The following ZMIZ1 variants were observed in gnomAD, a reference collection of about 807,000 sequenced individuals.
ZMIZ1 encodes zinc finger MIZ domain-containing protein 1.
Under a neutral mutation model 113.9 loss-of-function variants are expected in ZMIZ1, and 17 were observed. The ratio of observed to expected loss-of-function variants is 0.15; its 90% confidence interval spans 0.10 to 0.22. The LOEUF (loss-of-function observed/expected upper bound fraction) is 0.22. ZMIZ1 is among the 10% of genes least tolerant of loss of function. The pLI, the probability that ZMIZ1 is intolerant of heterozygous loss-of-function variation, is 1.00. For missense variants in ZMIZ1, 1,059 were observed against 1,477.8 expected (o/e 0.72, Z 4.65); for synonymous variants, 607 against 603.1 (o/e 1.01, Z -0.09).
rs547566289 is a variant in ZMIZ1 at position 79,162,098 on chromosome 10, G to A, written c.-85G>A. Reference sequence around the variant, plus strand: ...GTGGAGGGGCCGCAAGCTGCTGACCGGCGTGTGGAACACTGGTGGTTTGCA... The same window carrying A: ...GTGGAGGGGCCGCAAGCTGCTGACCAGCGTGTGGAACACTGGTGGTTTGCA... On this transcript the variant is annotated 5_prime_UTR_variant, in exon 4 of 25. Coordinates refer to ENST00000334512, the MANE Select transcript of ZMIZ1 (RefSeq NM_020338.4). 5.0e-5 allele frequency: 20 copies of A among 399,462 alleles called. No individual in the cohort carries two copies. The highest frequency in any genetic ancestry group is 2.5e-4 in the South Asian group (2 of 7,876). 24.7% of individuals were successfully genotyped at this position (399,462 alleles called of 1,614,324 possible). A position where few individuals can be genotyped will look rare whatever the true frequency, so the allele number is the denominator to read the frequency against.
intron 1 of ZMIZ1, among the ~76,000 whole-genome samples, chr10:79,109,688 G>C (rs542630089): frequency 6.6e-6 from 1 of 152,338 alleles, no homozygotes; most frequent in South Asian, 2.1e-4. Context: ...GGTCGTGGGA[G>C]AAGCCCAGTC....
intron 7 of ZMIZ1, among the ~76,000 whole-genome samples, chr10:79,244,965 C>T (rs982049119): frequency 6.6e-6 from 1 of 152,188 alleles, no homozygotes; most frequent in African/African-American, 2.4e-5. Flanking sequence ...CCACGTGGCT[C>T]CTAACAAGCC....
chr10:79,120,195 C>T (rs1469064895), intron 2 of ZMIZ1, among the ~76,000 whole-genome samples: 1 of 152,158 alleles, frequency 6.6e-6, no homozygotes, highest in Non-Finnish European at 1.5e-5. Context: ...TGCAAATGTG[C>T]GCTTCCTCAC....
intron 7 of ZMIZ1, among the ~76,000 whole-genome samples, chr10:79,247,210 T>C (rs1051158048): frequency 1.3e-5 from 2 of 152,130 alleles, no homozygotes; most frequent in African/African-American, 4.8e-5. Context: ...TCAGGGCAGC[T>C]TGAGGGATGC....
intron 7 of ZMIZ1, among the ~76,000 whole-genome samples, chr10:79,227,344 C>T (rs1457857750): frequency 6.6e-6 from 1 of 152,216 alleles, no homozygotes; most frequent in Admixed American, 6.5e-5. Flanking sequence ...AGCAGAGAGC[C>T]TGGGTCAGCC....
chr10:79,191,880 C>A (rs1245677976), intron 4 of ZMIZ1, among the ~76,000 whole-genome samples: 1 of 152,162 alleles, frequency 6.6e-6, no homozygotes, highest in South Asian at 2.1e-4. Context: ...AATAATTGGA[C>A]CAGCATATAG....
At position 79,298,418 on chromosome 10, in the gene ZMIZ1, G is replaced by T. The variant is rs779727523; in HGVS notation, c.1504G>T (p.Val502Phe). Residue 502 changes from valine to phenylalanine, a missense_variant, in exon 15 of 25, where the codon GTT becomes TTT. Physicochemically the swap from Val to Phe is conservative, Grantham distance 50. This residue lies in a region of ZMIZ1 where 239 missense variants were observed against 247.5 expected (regional missense o/e 0.97). Coordinates refer to ENST00000334512, the MANE Select transcript of ZMIZ1 (RefSeq NM_020338.4). Reference sequence around the variant, plus strand: ...TCTTTCCCTCCAGCCTCCCAGGCCGGTTCCTGTGGCAAATTACCCCCACTC... The same window carrying T: ...TCTTTCCCTCCAGCCTCCCAGGCCGTTTCCTGTGGCAAATTACCCCCACTC... ...QGNVNRPPRPVPVANYPHSPV... is the reference protein window; with the variant it reads ...QGNVNRPPRPFPVANYPHSPV... 7 of 1,608,612 alleles carry T rather than the reference G, an allele frequency of 4.4e-6. No individual in the cohort carries two copies. The South Asian group carries it at 7.7e-5, about 18-fold the overall frequency.
intron 7 of ZMIZ1, among the ~76,000 whole-genome samples, chr10:79,241,854 C>A (rs577202658): frequency 1.3e-5 from 2 of 152,250 alleles, no homozygotes; most frequent in African/African-American, 4.8e-5. Flanking sequence ...GGCCAGTGAA[C>A]CTGGTCAGCT....
At chr10:79,169,917 T>C (rs1846529696) in intron 4 of ZMIZ1, among the ~76,000 whole-genome samples, 2 of 152,200 alleles carry the variant, frequency 1.3e-5, no homozygotes, top group African/African-American at 4.8e-5. Flanking sequence ...GGTGGGCATT[T>C]GTTAGCTCTG....
chr10:79,085,461 A>T (rs1251031068), intron 1 of ZMIZ1, among the ~76,000 whole-genome samples: 1 of 151,798 alleles, frequency 6.6e-6, no homozygotes, highest in Non-Finnish European at 1.5e-5. Context: ...CCCCACCCTG[A>T]CTCCTGCCTG....
At chr10:79,302,242 C>T (rs1854354576) in intron 18 of ZMIZ1, 30 bp downstream of exon 18, 1 of 1,600,298 alleles carries the variant, frequency 6.2e-7, no homozygotes, top group East Asian at 2.2e-5. Context: ...GGGGTGAGGG[C>T]CAGACTCCAT....
chr10:79,129,462 G>A (rs1228613198), intron 2 of ZMIZ1, among the ~76,000 whole-genome samples: 2 of 152,114 alleles, frequency 1.3e-5, no homozygotes, highest in Non-Finnish European at 1.5e-5. Context: ...TGGTGCAGTC[G>A]CTCGGCCCCT....
At chr10:79,272,599 T>C (rs1291290356) in intron 7 of ZMIZ1, among the ~76,000 whole-genome samples, 2 of 152,342 alleles carry the variant, frequency 1.3e-5, no homozygotes, top group African/African-American at 4.8e-5. Flanking sequence ...CCTCGCCTGC[T>C]TCACCGCAGT....
rs990314932 is a variant in ZMIZ1 at position 79,100,378 on chromosome 10, G to C, written c.-336-18537G>C. ...TCCAGCACTTTGGGAGGTCAAGGTG[G>C]GAGAATTGCTAGAGCCCAGGAATTC... On this transcript the variant is annotated intron_variant, in intron 1 of 24. Transcript: ENST00000334512. Among the ~76,000 whole-genome samples the C allele has an allele frequency of 2.0e-5, 3 of 151,642 alleles. No individual in the cohort carries two copies. The East Asian group carries it at 5.8e-4, about 29-fold the overall frequency.
At chr10:79,309,557 C>T (rs141979866) in intron 23 of ZMIZ1, among the ~76,000 whole-genome samples, 12 of 152,328 alleles carry the variant, frequency 7.9e-5, no homozygotes, top group Non-Finnish European at 1.8e-4. Flanking sequence ...ACTGGAAGGG[C>T]ACTGTGCTCC....
At chr10:79,198,805 GGGC>G in intron 4 of ZMIZ1, among the ~76,000 whole-genome samples, 1 of 151,958 alleles carries the variant, frequency 6.6e-6, no homozygotes, top group South Asian at 2.1e-4. Flanking sequence ...GGGCCGAGGT[GGGC>G]AGATTGCCTG....
intron 3 of ZMIZ1, among the ~76,000 whole-genome samples, chr10:79,141,530 C>T (rs1845269404): frequency 6.6e-6 from 1 of 152,102 alleles, no homozygotes; most frequent in African/African-American, 2.4e-5. Context: ...ACCTCAGCCC[C>T]CTGAGTAGCT....
chr10:79,215,829 G>C (rs1848703293), intron 6 of ZMIZ1, among the ~76,000 whole-genome samples: 1 of 152,048 alleles, frequency 6.6e-6, no homozygotes, highest in Non-Finnish European at 1.5e-5. Flanking sequence ...GAGACCCTTA[G>C]GGCCCACCCT....
At chr10:79,097,414 A>C (rs1211320378) in intron 1 of ZMIZ1, among the ~76,000 whole-genome samples, 3 of 152,208 alleles carry the variant, frequency 2.0e-5, no homozygotes, top group African/African-American at 7.2e-5. Flanking sequence ...GGCTGTCACC[A>C]GGGGTCCCCG....
Sources: gnomAD v4.1 joint callset for allele counts (sites outside exome capture counted in the v4.1 genomes callset) on GRCh38, gnomAD v4.1.1 for gene constraint, gnomAD v4.1.1 regional missense constraint, MANE v1.5 for transcripts, NCBI Gene and HGNC (gene_info 2026-07-23, HGNC 2026-07-21) for gene names.